The following IL2RA variants were observed in gnomAD, a reference collection of about 807,000 sequenced individuals.
The protein encoded by IL2RA is interleukin 2 receptor subunit alpha.
A neutral mutation model predicts 37.8 loss-of-function variants in IL2RA; 24 were observed. The observed-to-expected ratio is 0.63, with a 90% confidence interval of 0.46 to 0.89. The LOEUF (loss-of-function observed/expected upper bound fraction) is 0.89, where lower values mean the gene tolerates loss of function less well. Among genes scored for constraint, IL2RA ranks in the 40% least tolerant of loss-of-function variants. IL2RA has a pLI of 0.00. For missense variants in IL2RA, 319 were observed against 348.6 expected (o/e 0.92, Z 0.68); for synonymous variants, 125 against 114.6 (o/e 1.09, Z -0.58).
Position 6,029,128 on chromosome 10 carries a change from TTTTATTTATTTA to T in IL2RA, c.65-3115_65-3104del, listed in dbSNP as rs199788056. 0.24 allele frequency among the ~76,000 whole-genome samples: 33,501 copies of T among 140,704 alleles called. 4,354 individuals are homozygous for T. The highest frequency in any genetic ancestry group is 0.31 in the South Asian group (1,329 of 4,306). The allele number at this position is 140,704 out of a possible 152,430, so 92.3% of individuals were successfully genotyped here. ...TGACCTGCAGATTTGCTGCCATTTATTTTATTTATTTATTTATTTATTTATTTATTTATTTAT... is the reference window on the plus strand; with the variant it reads ...TGACCTGCAGATTTGCTGCCATTTATTTTATTTATTTATTTATTTATTTAT... On this transcript the variant is annotated intron_variant, in intron 1 of 7. Transcript: ENST00000379959. This position sits in a 1 kb window ranked among gnomAD's most constrained non-coding sequence, Gnocchi z 4.6.
chr10:6,012,603 AGTTCTAGTG>A lies in IL2RA; in HGVS notation c.*260_*268del. The A allele has an allele frequency of 1.8e-6, 1 of 570,070 alleles. No individual in the cohort carries two copies. Among genetic ancestry groups the A allele is most frequent in the Admixed American group, 3.0e-5 (1 of 33,108 alleles). 35.3% of individuals were successfully genotyped at this position (570,070 alleles called of 1,614,324 possible). A position where few individuals can be genotyped will look rare whatever the true frequency, so the allele number is the denominator to read the frequency against. ...ACATATACATGAAAATAAGATGGAG[AGTTCTAGTG>A]GTTTTGCCCTTCCTCTTCAACGGCG... is the stretch of plus-strand genomic sequence containing the variant. On this transcript the variant is annotated 3_prime_UTR_variant, in exon 8 of 8. Transcript: ENST00000379959. This position sits in a 1 kb window ranked among gnomAD's most constrained non-coding sequence, Gnocchi z 4.8.
Position 6,025,093 on chromosome 10 carries a change from G to A in IL2RA, c.257-739C>T, listed in dbSNP as rs1252991898. The stretch of plus-strand genomic sequence containing the variant: ...AACAAAAAATACAAAATATTAGCCA[G>A]GCATGGTGGTGTGCGCCTATAAGGC... On this transcript the variant is annotated intron_variant, in intron 2 of 7. Coordinates refer to ENST00000379959, the MANE Select transcript of IL2RA (RefSeq NM_000417.3). This position sits in a 1 kb window ranked among gnomAD's most constrained non-coding sequence, Gnocchi z 4.4. Among the ~76,000 whole-genome samples, 1 of 152,170 alleles carries A rather than the reference G, an allele frequency of 6.6e-6. No individual in the cohort carries two copies. Among genetic ancestry groups the A allele is most frequent in the Non-Finnish European group, 1.5e-5 (1 of 68,018 alleles).
rs181748834 is a variant in IL2RA, at chr10:6,044,215, G to T, written c.64+17873C>A. 1.3e-5 allele frequency among the ~76,000 whole-genome samples: 2 copies of T among 152,356 alleles called. No homozygotes were observed. The highest frequency in any genetic ancestry group is 2.9e-5 in the Non-Finnish European group (2 of 68,032). ...CGAGCCCCGAGGTGGGGCTTAGCCC[G>T]CAAGGGTTCTTGGCTTTGCCCAGGA... is the stretch of plus-strand genomic sequence containing the variant. On this transcript the variant is annotated intron_variant, in intron 1 of 7. Transcript: ENST00000379959. The surrounding 1 kb of genome is among the most constrained non-coding windows in gnomAD (Gnocchi z 4.5).
rs972725358 is a variant in IL2RA, at chr10:6,058,879, A to G, written c.64+3209T>C. The stretch of plus-strand genomic sequence containing the variant: ...GAGCCCAGTAATATAGAGACTAAAA[A>G]CACTCAAGTTGACTAATATGTCCTC... On this transcript the variant is annotated intron_variant, in intron 1 of 7. Transcript: ENST00000379959. The surrounding 1 kb of genome is among the most constrained non-coding windows in gnomAD (Gnocchi z 4.2). Among the ~76,000 whole-genome samples, 1 of 152,166 alleles carries G rather than the reference A, an allele frequency of 6.6e-6. No individual in the cohort carries two copies. Among genetic ancestry groups the G allele is most frequent in the Non-Finnish European group, 1.5e-5 (1 of 68,030 alleles).
rs989836578 is a variant in IL2RA, at chr10:6,015,982, T to C, written c.794+2071A>G. On this transcript the variant is annotated intron_variant, in intron 7 of 7. Transcript: ENST00000379959. The surrounding 1 kb of genome is among the most constrained non-coding windows in gnomAD (Gnocchi z 4.9). Reference sequence around the variant, plus strand: ...AGTGTGGGGCTTCTCTTGGGAATGATGGAAGTATTCTGGAATCAGTGGGGA... The same window carrying C: ...AGTGTGGGGCTTCTCTTGGGAATGACGGAAGTATTCTGGAATCAGTGGGGA... Among the ~76,000 whole-genome samples the C allele has an allele frequency of 2.0e-5, 3 of 152,130 alleles. No individual in the cohort carries two copies. The highest frequency in any genetic ancestry group is 4.4e-5 in the Non-Finnish European group (3 of 68,018).
Position 6,021,828 on chromosome 10 carries a change from T to C in IL2RA, c.368-135A>G. 1.3e-6 allele frequency: 1 copy of C among 746,422 alleles called. No homozygotes were observed. The highest frequency in any genetic ancestry group is 2.3e-6 in the Non-Finnish European group (1 of 427,594). 46.2% of individuals were successfully genotyped at this position (746,422 alleles called of 1,614,324 possible). ...TGCTCATCCTTTCATTCAACCAATA[T>C]ATGTTGAGAACGTCTGAGCGTGGGG... is the stretch of plus-strand genomic sequence containing the variant. On this transcript the variant is annotated intron_variant, in intron 3 of 7. Coordinates refer to ENST00000379959, the MANE Select transcript of IL2RA (RefSeq NM_000417.3). The surrounding 1 kb of genome is among the most constrained non-coding windows in gnomAD (Gnocchi z 4.9).
Position 6,044,740 on chromosome 10 carries a change from A to C in IL2RA, c.64+17348T>G, listed in dbSNP as rs1839824512. ...TATGCATGTGACCAGAGGAAAAAATAAGACAGTGCAAAATATAAGTGGTGG... is the reference window on the plus strand; with the variant it reads ...TATGCATGTGACCAGAGGAAAAAATCAGACAGTGCAAAATATAAGTGGTGG... On this transcript the variant is annotated intron_variant, in intron 1 of 7. Coordinates refer to ENST00000379959, the MANE Select transcript of IL2RA (RefSeq NM_000417.3). This position sits in a 1 kb window ranked among gnomAD's most constrained non-coding sequence, Gnocchi z 4.5. Among the ~76,000 whole-genome samples the C allele has an allele frequency of 6.6e-6, 1 of 152,212 alleles. No homozygotes were observed. The highest frequency in any genetic ancestry group is 2.4e-5 in the African/African-American group (1 of 41,444).
chr10:6,017,981 G>A, intron 7 of IL2RA, 72 bp downstream of exon 7: 2 of 1,217,054 alleles, frequency 1.6e-6, no homozygotes, highest in East Asian at 2.4e-5. Flanking sequence ...GAGGGGGTAG[G>A]GGGGAGGCAG....
chr10:6,045,507 G>A (rs1318415574), intron 1 of IL2RA, among the ~76,000 whole-genome samples: 2 of 152,094 alleles, frequency 1.3e-5, no homozygotes, highest in Non-Finnish European at 2.9e-5. Flanking sequence ...CTTCTCGGTC[G>A]ACAACAGGCT....
At chr10:6,013,553 A>T (rs535800496) in intron 7 of IL2RA, among the ~76,000 whole-genome samples, 3 of 152,148 alleles carry the variant, frequency 2.0e-5, no homozygotes, top group African/African-American at 7.2e-5. Flanking sequence ...TTTAACAAGC[A>T]GCTCTCTGAT....
chr10:6,024,485 G>A, intron 2 of IL2RA, 131 bp from the exon 3 acceptor site: 1 of 724,446 alleles, frequency 1.4e-6, no homozygotes. Flanking sequence ...TCTGGCTGCT[G>A]AGCTTACAAA....
rs1167694996 is a variant in IL2RA at position 6,033,413 on chromosome 10, A to G, written c.65-7388T>C. ...CAATTCTACTTCTAGGTATTTATCT[A>G]AGAGGAATGAAGGGATGTGTCTACA... On this transcript the variant is annotated intron_variant, in intron 1 of 7. Coordinates refer to ENST00000379959, the MANE Select transcript of IL2RA (RefSeq NM_000417.3). The surrounding 1 kb of genome is among the most constrained non-coding windows in gnomAD (Gnocchi z 4.3). Among the ~76,000 whole-genome samples the G allele has an allele frequency of 6.6e-6, 1 of 152,206 alleles. No homozygotes were observed. The highest frequency in any genetic ancestry group is 2.4e-5 in the African/African-American group (1 of 41,448).
In IL2RA at chr10:6,011,253, C is replaced by A. The variant is rs773626989; in HGVS notation, c.*1619G>T. On this transcript the variant is annotated 3_prime_UTR_variant, in exon 8 of 8. Coordinates refer to ENST00000379959, the MANE Select transcript of IL2RA (RefSeq NM_000417.3). This position sits in a 1 kb window ranked among gnomAD's most constrained non-coding sequence, Gnocchi z 5.2. Reference sequence around the variant, plus strand: ...GGGAGATCTTGCACCAGATATGGAACCAGGACTTCCACCGAAATCTTAGCT... The same window carrying A: ...GGGAGATCTTGCACCAGATATGGAAACAGGACTTCCACCGAAATCTTAGCT... 1 of 152,286 alleles carries A rather than the reference C, an allele frequency of 6.6e-6. No individual in the cohort carries two copies. The highest frequency in any genetic ancestry group is 1.5e-5 in the Non-Finnish European group (1 of 68,042). 9.4% of individuals were successfully genotyped at this position (152,286 alleles called of 1,614,324 possible).
intron 1 of IL2RA, among the ~76,000 whole-genome samples, chr10:6,038,715 G>A (rs962154843): frequency 6.6e-6 from 1 of 152,110 alleles, no homozygotes; most frequent in Non-Finnish European, 1.5e-5. Context: ...GTGTAGAAAA[G>A]GTTTGTGGAG....
At chr10:6,023,771 G>A (rs1314152485) in intron 3 of IL2RA, among the ~76,000 whole-genome samples, 2 of 152,250 alleles carry the variant, frequency 1.3e-5, no homozygotes, top group Non-Finnish European at 2.9e-5. Flanking sequence ...AGACTCACAA[G>A]TGTGGCATGC....
intron 7 of IL2RA, among the ~76,000 whole-genome samples, chr10:6,016,832 C>A (rs566396702): frequency 6.6e-6 from 1 of 152,194 alleles, no homozygotes; most frequent in African/African-American, 2.4e-5. Flanking sequence ...CTCAGCCTCC[C>A]AAAGTGCTGG....
Position 6,054,665 on chromosome 10 carries a change from A to G in IL2RA, c.64+7423T>C, listed in dbSNP as rs1485288012. On this transcript the variant is annotated intron_variant, in intron 1 of 7. Coordinates refer to ENST00000379959, the MANE Select transcript of IL2RA (RefSeq NM_000417.3). This position sits in a 1 kb window ranked among gnomAD's most constrained non-coding sequence, Gnocchi z 4.5. ...CCATGTACACGACTCCAGCAGCATC[A>G]CTAGAAAACACCATTCTCCAGCCCC... Among the ~76,000 whole-genome samples, 2 of 152,118 alleles carry G rather than the reference A, an allele frequency of 1.3e-5. No homozygotes were observed. The highest frequency in any genetic ancestry group is 1.3e-4 in the Admixed American group (2 of 15,284).
At chr10:6,037,781 C>T (rs1004831372) in intron 1 of IL2RA, among the ~76,000 whole-genome samples, 3 of 152,144 alleles carry the variant, frequency 2.0e-5, no homozygotes, top group African/African-American at 7.2e-5. Flanking sequence ...TCCTCCCAGA[C>T]CCCTAGCCAA....
At chr10:6,017,889 C>A (rs1839305230) in intron 7 of IL2RA, among the ~76,000 whole-genome samples, 164 bp downstream of exon 7, 2 of 152,026 alleles carry the variant, frequency 1.3e-5, no homozygotes, top group Admixed American at 1.3e-4. Context: ...TGCTTTAATT[C>A]TTTTTAACTG....
Sources: gnomAD v4.1 joint callset for allele counts (sites outside exome capture counted in the v4.1 genomes callset) on GRCh38, gnomAD v4.1.1 for gene constraint, Gnocchi (gnomAD v3.1) non-coding constraint, MANE v1.5 for transcripts, NCBI Gene and HGNC (gene_info 2026-07-23, HGNC 2026-07-21) for gene names.